SPNS2: variants seen among roughly 807,000 people sequenced by gnomAD.
SPNS2 encodes the protein SPNS lysolipid transporter 2, sphingosine-1-phosphate.
SPNS2 carries 37 observed loss-of-function variants against 57.6 expected under a neutral mutation model. The observed-to-expected ratio is 0.64, with a 90% CI of 0.49 to 0.85. SPNS2 has a LOEUF of 0.85. Among genes scored for constraint, SPNS2 ranks in the 40% least tolerant of loss-of-function variants. SPNS2 has a pLI of 0.00. For missense variants in SPNS2, 831 were observed against 779.1 expected, an observed-to-expected ratio of 1.07 and a Z score of -0.79; for synonymous variants, 440 against 346.9, an observed-to-expected ratio of 1.27 and a Z score of -2.98.
intron 2 of SPNS2, among the ~76,000 whole-genome samples, chr17:4,517,798 G>A (rs2144332198): frequency 6.6e-6 from 1 of 152,344 alleles, no homozygotes; most frequent in African/African-American, 2.4e-5. Context: ...TAAAGGAAAG[G>A]ATAGGACTTG....
chr17:4,537,380 A>C (rs1905907573), intron 12 of SPNS2, 73 bp from the exon 13 acceptor site: 3 of 389,914 alleles, frequency 7.7e-6, no homozygotes, highest in Non-Finnish European at 1.5e-5. Flanking sequence ...CAGCAAGAAA[A>C]GGGAAGGAGG....
chr17:4,516,556 G>A (rs79696305), intron 2 of SPNS2, among the ~76,000 whole-genome samples: 2,072 of 152,214 alleles, frequency 0.014, 45 homozygotes, highest in African/African-American at 0.047. Context: ...GGCTGTGGGA[G>A]CCTGGGTGGA....
In SPNS2 at chr17:4,532,963, T is replaced by C; in HGVS notation, c.936-14T>C. 6.2e-7 allele frequency: 1 copy of C among 1,606,188 alleles called. No individual in the cohort carries two copies. The highest frequency in any genetic ancestry group is 8.5e-7 in the Non-Finnish European group (1 of 1,175,960). ...GGTCCCTGAGCTCAGTGTCACTGCC[T>C]GGCCTCTCCCCAGCCGCAGCTACGT... On this transcript the variant is annotated splice_polypyrimidine_tract_variant and intron_variant, in intron 6 of 12. Transcript: ENST00000329078.
In SPNS2 at chr17:4,536,407, C is replaced by T. The variant is rs563510360; in HGVS notation, c.1588C>T (p.Arg530Cys). The stretch of plus-strand genomic sequence containing the variant: ...CACTGCGCTCTTCTTCGTCAGCGAC[C>T]GCGCCAGGGCTGAGCAGCAGTGAGT... ...LATALFFVSD[R>C]ARAEQQVNQL... The change falls in exon 11 of 13, where the codon CGC becomes TGC. Residue 530 changes from arginine to cysteine, a missense_variant. Arg to Cys is a radical substitution (Grantham distance 180). Transcript: ENST00000329078. 76 of 1,601,958 alleles carry T rather than the reference C, an allele frequency of 4.7e-5. No homozygotes were observed. Among genetic ancestry groups the T allele is most frequent in the South Asian group, 2.6e-4 (24 of 90,928 alleles).
At position 4,538,867 on chromosome 17, in the gene SPNS2, C is replaced by T. The variant is rs766513496; in HGVS notation, c.*1419C>T. ...CACTCCAGCCTCAGCGGGGCCCCAG[C>T]GATGTTTTCTTGTTGTACAAGAACC... On this transcript the variant is annotated 3_prime_UTR_variant, in exon 13 of 13. Coordinates refer to ENST00000329078, the MANE Select transcript of SPNS2 (RefSeq NM_001124758.3). The T allele has an allele frequency of 1.0e-5, 8 of 780,696 alleles. No homozygotes were observed. Among genetic ancestry groups the T allele is most frequent in the South Asian group, 2.7e-5 (2 of 74,582 alleles). The allele number at this position is 780,696 out of a possible 1,614,324, so 48.4% of individuals were successfully genotyped here. A position where few individuals can be genotyped will look rare whatever the true frequency, so the allele number is the denominator to read the frequency against.
At chr17:4,537,081 A>C in intron 12 of SPNS2, 135 bp downstream of exon 12, 1 of 989,602 alleles carries the variant, frequency 1.0e-6, no homozygotes, top group Non-Finnish European at 1.5e-6. Context: ...TTTGTCTCTG[A>C]AGATGTTGCC....
chr17:4,536,506 G>A, intron 11 of SPNS2, 80 bp downstream of exon 11: 1 of 1,497,042 alleles, frequency 6.7e-7, no homozygotes, highest in Admixed American at 1.8e-5. Context: ...CTGCCCTGGG[G>A]TGGGGCGGGG....
chr17:4,499,073 C>CGGCGGCG lies in SPNS2; in HGVS notation c.34_40dup (p.Ala14GlyfsTer26). ...ATGATGTGCCTGGAATGCGCCTCGG[C>CGGCGGCG]GGCGGCGGGCGGCGCGGAGGAGGAG... On this transcript the variant is annotated frameshift_variant, in exon 1 of 13. Coordinates refer to ENST00000329078, the MANE Select transcript of SPNS2 (RefSeq NM_001124758.3). LOFTEE classifies it high-confidence loss of function. This position sits in a 1 kb window ranked among gnomAD's most constrained non-coding sequence, Gnocchi z 5.2. 9.8e-7 allele frequency: 1 copy of CGGCGGCG among 1,025,132 alleles called. No homozygotes were observed. 63.5% of individuals were successfully genotyped at this position (1,025,132 alleles called of 1,614,324 possible).
At chr17:4,501,341 G>A (rs958741034) in intron 1 of SPNS2, among the ~76,000 whole-genome samples, 2 of 152,154 alleles carry the variant, frequency 1.3e-5, no homozygotes, top group Admixed American at 1.3e-4. Flanking sequence ...TGGGATCAGG[G>A]AGGGCTGGCA....
At chr17:4,524,018 T>C (rs1037297618) in intron 2 of SPNS2, among the ~76,000 whole-genome samples, 1 of 152,122 alleles carries the variant, frequency 6.6e-6, no homozygotes, top group African/African-American at 2.4e-5. Context: ...GACAAGACGG[T>C]AGAATGGACA....
intron 2 of SPNS2, among the ~76,000 whole-genome samples, chr17:4,523,151 TGTG>T (rs1470192384): frequency 6.6e-6 from 1 of 152,238 alleles, no homozygotes; most frequent in Non-Finnish European, 1.5e-5. Context: ...AATTTAAAAT[TGTG>T]GTGGCCGGGT....
chr17:4,526,831 A>T (rs542069328), intron 3 of SPNS2, among the ~76,000 whole-genome samples: 1 of 152,326 alleles, frequency 6.6e-6, no homozygotes, highest in South Asian at 2.1e-4. Flanking sequence ...TTTGCCAAGG[A>T]CATCCTTGCT....
At chr17:4,519,463 C>T (rs1018839277) in intron 2 of SPNS2, among the ~76,000 whole-genome samples, 13 of 152,130 alleles carry the variant, frequency 8.5e-5, no homozygotes, top group Non-Finnish European at 1.6e-4. Context: ...GCCAGCCTGG[C>T]GAGGAGGAGG....
intron 1 of SPNS2, among the ~76,000 whole-genome samples, chr17:4,504,127 ATAAGGATGGCCACCT>A (rs1418540852): frequency 6.6e-6 from 1 of 152,030 alleles, no homozygotes; most frequent in Non-Finnish European, 1.5e-5. Flanking sequence ...CTCTCTTTAG[ATAAGGATGGCCACCT>A]TAAGGATAAA....
chr17:4,533,490 C>G, intron 8 of SPNS2, 58 bp downstream of exon 8: 1 of 1,503,858 alleles, frequency 6.6e-7, no homozygotes, highest in Admixed American at 2.0e-5. Flanking sequence ...GCGGGAGGGT[C>G]TGGAACAGGA....
intron 2 of SPNS2, among the ~76,000 whole-genome samples, chr17:4,520,252 G>A (rs775332908): frequency 1.3e-5 from 2 of 152,186 alleles, no homozygotes; most frequent in African/African-American, 4.8e-5. Context: ...GGGCGTGCCA[G>A]CTTCTGCCAG....
chr17:4,530,614 C>T lies in SPNS2; in HGVS notation c.574-18C>T, dbSNP rs781628740. 1.9e-6 allele frequency: 3 copies of T among 1,605,652 alleles called. No individual in the cohort carries two copies. Among genetic ancestry groups the T allele is most frequent in the Non-Finnish European group, 1.7e-6 (2 of 1,175,688 alleles). On this transcript the variant is annotated intron_variant, in intron 3 of 12. Coordinates refer to ENST00000329078, the MANE Select transcript of SPNS2 (RefSeq NM_001124758.3). ...GGTGGGTAGTCGGTCCCCCAGCATC[C>T]TCCACCCCTCCTCACAGTACTTCTG...
chr17:4,522,170 G>T (rs889829107), intron 2 of SPNS2, among the ~76,000 whole-genome samples: 1 of 152,220 alleles, frequency 6.6e-6, no homozygotes, highest in Non-Finnish European at 1.5e-5. Context: ...CTGCACTCCA[G>T]CCTGGGCGAC....
In SPNS2 at chr17:4,512,641, T is replaced by C. The variant is rs1029416075; in HGVS notation, c.371-606T>C. Among the ~76,000 whole-genome samples, 6 of 151,600 alleles carry C rather than the reference T, an allele frequency of 4.0e-5. No individual in the cohort carries two copies. Among genetic ancestry groups the C allele is most frequent in the African/African-American group, 9.7e-5 (4 of 41,256 alleles). ...GGCAGCTGGGGTGACAGTGTGTGTG[T>C]GTGCGTGCGCGCGCACGGGTATGTG... On this transcript the variant is annotated intron_variant, in intron 1 of 12. Coordinates refer to ENST00000329078, the MANE Select transcript of SPNS2 (RefSeq NM_001124758.3). This position sits in a 1 kb window ranked among gnomAD's most constrained non-coding sequence, Gnocchi z 5.2.
Sources: allele counts gnomAD v4.1 joint callset (sites outside exome capture counted in the v4.1 genomes callset), GRCh38; gene constraint gnomAD v4.1.1; non-coding constraint Gnocchi (gnomAD v3.1); transcripts MANE v1.5; gene names NCBI Gene and HGNC (gene_info 2026-07-23, HGNC 2026-07-21).